OR4S1: variants seen among roughly 807,000 people sequenced by gnomAD.
OR4S1 encodes the protein olfactory receptor family 4 subfamily S member 1, also known as olfactory receptor 4S1.
For synonymous variants in OR4S1, 197 were observed against 144.5 expected (o/e 1.36, Z -2.61); for missense variants, 531 against 383.0 (o/e 1.39, Z -3.23).
rs763368737 is a variant in OR4S1, at chr11:48,307,082, T to G, written c.860T>G (p.Leu287Arg). 2 of 1,613,986 alleles carry G rather than the reference T, an allele frequency of 1.2e-6. No homozygotes were observed. The highest frequency in any genetic ancestry group is 2.2e-5 in the South Asian group (2 of 91,074). ...PPLLNPLIYTLRNNDVKNAMR... is the reference protein window; with the variant it reads ...PPLLNPLIYTRRNNDVKNAMR... ...TTGCTGAACCCTTTGATCTATACAC[T>G]AAGGAACAACGATGTGAAAAATGCC... The change falls in exon 1 of 1, where the codon CTA (leucine) becomes CGA (arginine). Residue 287 changes from leucine to arginine, a missense_variant. By Grantham distance (102) the Leu-to-Arg change is moderately radical. Transcript: ENST00000319988.
chr11:48,307,013 C>A lies in OR4S1; in HGVS notation c.791C>A (p.Ala264Asp), dbSNP rs751061671. The A allele has an allele frequency of 6.8e-6, 11 of 1,614,150 alleles. No homozygotes were observed. The South Asian group carries it at 8.8e-5, about 13-fold the overall frequency. The change falls in exon 1 of 1, where the codon GCT (alanine) becomes GAT (aspartate). Residue 264 changes from alanine (A) to aspartate (D), a missense_variant. Coordinates refer to ENST00000319988, the MANE Select transcript of OR4S1 (RefSeq NM_001004725.1). ...FMYIRPSTTL[A>D]ADKLIILFNI... ...TACATTCGTCCCTCCACCACCCTGG[C>A]TGCTGACAAACTTATCATCCTCTTT...
In OR4S1 at chr11:48,306,791, C is replaced by G; in HGVS notation, c.569C>G (p.Thr190Ser). 1 of 1,614,182 alleles carries G rather than the reference C, an allele frequency of 6.2e-7. No homozygotes were observed. The highest frequency in any genetic ancestry group is 8.5e-7 in the Non-Finnish European group (1 of 1,180,006). The change falls in exon 1 of 1, where the codon ACC (threonine) becomes AGC (serine). Residue 190 changes from threonine to serine, a missense_variant. Thr to Ser is a moderately conservative substitution (Grantham distance 58). Coordinates refer to ENST00000319988, the MANE Select transcript of OR4S1 (RefSeq NM_001004725.1). ...CTGCTCAAGTTGGCCTGTGCAGACA[C>G]CTACATGGTAGGTCTCATCGTGGTG... is the stretch of plus-strand genomic sequence containing the variant. ...HPLLKLACAD[T>S]YMVGLIVVAN... is the part of the protein sequence containing the mutation.
In OR4S1 at chr11:48,306,999, C is replaced by T. The variant is rs567365595; in HGVS notation, c.777C>T (p.Pro259=). ...CCCCCATGTTCATGTACATTCGTCCCTCCACCACCCTGGCTGCTGACAAAC... is the reference window on the plus strand; with the variant it reads ...CCCCCATGTTCATGTACATTCGTCCTTCCACCACCCTGGCTGCTGACAAAC... ...LMPPMFMYIR[P]STTLAADKLI... is the part of the protein sequence containing the mutation. The change falls in exon 1 of 1, where the codon CCC becomes CCT. Residue 259 remains proline, a synonymous_variant. Coordinates refer to ENST00000319988, the MANE Select transcript of OR4S1 (RefSeq NM_001004725.1). The T allele has an allele frequency of 1.0e-4, 165 of 1,614,188 alleles. No individual in the cohort carries two copies. The South Asian group carries it at 1.7e-3, about 17-fold the overall frequency.
chr11:48,306,588 G>A lies in OR4S1; in HGVS notation c.366G>A (p.Val122=). Residue 122 remains valine, a synonymous_variant, in exon 1 of 1, where the codon GTG becomes GTA. Transcript: ENST00000319988. The part of the protein sequence containing the change: ...LLTAMAYDRY[V]AICRPLHYTA... ...CAGCCATGGCCTATGACCGCTATGTGGCCATCTGTAGGCCCCTGCACTACA... is the reference window on the plus strand; with the variant it reads ...CAGCCATGGCCTATGACCGCTATGTAGCCATCTGTAGGCCCCTGCACTACA... The A allele has an allele frequency of 6.3e-7, 1 of 1,579,940 alleles. No individual in the cohort carries two copies. Among genetic ancestry groups the A allele is most frequent in the Non-Finnish European group, 8.7e-7 (1 of 1,152,670 alleles).
chr11:48,306,660 C>T lies in OR4S1; in HGVS notation c.438C>T (p.Ser146=). The part of the protein sequence containing the change: ...CRKCGLLAGA[S]WLAGFLHSIL... ...AGTGTGGCCTGCTAGCGGGGGCCTC[C>T]TGGTTAGCTGGCTTCCTGCATTCCA... The change falls in exon 1 of 1, where the codon TCC becomes TCT. Residue 146 remains serine (S), a synonymous_variant. Transcript: ENST00000319988. The T allele has an allele frequency of 6.2e-7, 1 of 1,614,066 alleles. No individual in the cohort carries two copies. The highest frequency in any genetic ancestry group is 8.5e-7 in the Non-Finnish European group (1 of 1,179,996).
rs780018710 is a variant in OR4S1, at chr11:48,307,028, T to C, written c.806T>C (p.Ile269Thr). The C allele has an allele frequency of 1.2e-6, 2 of 1,614,106 alleles. No homozygotes were observed. The highest frequency in any genetic ancestry group is 1.7e-6 in the Non-Finnish European group (2 of 1,179,972). The change falls in exon 1 of 1, where the codon ATC (isoleucine) becomes ACC (threonine). Residue 269 changes from isoleucine to threonine, a missense_variant. Ile to Thr is a moderately conservative substitution (Grantham distance 89). Transcript: ENST00000319988. ...PSTTLAADKL[I>T]ILFNIVMPPL... The stretch of plus-strand genomic sequence containing the variant: ...ACCACCCTGGCTGCTGACAAACTTA[T>C]CATCCTCTTTAACATTGTGATGCCA...
chr11:48,306,911 A>G lies in OR4S1; in HGVS notation c.689A>G (p.Asp230Gly), dbSNP rs1004112348. 1.2e-6 allele frequency: 2 copies of G among 1,614,160 alleles called. No individual in the cohort carries two copies. Among genetic ancestry groups the G allele is most frequent in the Non-Finnish European group, 8.5e-7 (1 of 1,180,002 alleles). Reference sequence around the variant, plus strand: ...AACCTAAGAAGCCAGTCATCTGAGGACCGGCGTAAGGCTGTCTCCACATGT... The same window carrying G: ...AACCTAAGAAGCCAGTCATCTGAGGGCCGGCGTAAGGCTGTCTCCACATGT... Reference protein sequence around the residue: ...LLNLRSQSSEDRRKAVSTCGS... With the variant: ...LLNLRSQSSEGRRKAVSTCGS... The change falls in exon 1 of 1, where the codon GAC (aspartate) becomes GGC (glycine). Residue 230 changes from aspartate to glycine, a missense_variant. Asp to Gly is a moderately conservative substitution (Grantham distance 94). Coordinates refer to ENST00000319988, the MANE Select transcript of OR4S1 (RefSeq NM_001004725.1).
Position 48,306,227 on chromosome 11 carries a change from G to A in OR4S1, c.5G>A (p.Gly2Asp), listed in dbSNP as rs764613238. The change falls in exon 1 of 1, where the codon GGT becomes GAT. Residue 2 changes from glycine (G) to aspartate (D), a missense_variant. Transcript: ENST00000319988. M[G>D]AKNNVTEFVL... ...GGTCATCAGGGCAGATAATCCATGG[G>A]TGCCAAGAACAATGTGACTGAGTTT... The A allele has an allele frequency of 9.4e-6, 15 of 1,593,986 alleles. 1 individual carries two copies. Among genetic ancestry groups the A allele is most frequent in the Non-Finnish European group, 1.3e-5 (15 of 1,166,396 alleles).
rs1480881599 is a variant in OR4S1, at chr11:48,306,470, C to G, written c.248C>G (p.Thr83Ser). ...ACCATACCCAAGATGATTGCTGACACTTTTGTGGAGCATAAGATCATCTCC... is the reference window on the plus strand; with the variant it reads ...ACCATACCCAAGATGATTGCTGACAGTTTTGTGGAGCATAAGATCATCTCC... ...STTIPKMIAD[T>S]FVEHKIISFN... The change falls in exon 1 of 1, where the codon ACT (threonine) becomes AGT (serine). Residue 83 changes from threonine (T) to serine (S), a missense_variant. Coordinates refer to ENST00000319988, the MANE Select transcript of OR4S1 (RefSeq NM_001004725.1). The G allele has an allele frequency of 8.1e-6, 13 of 1,608,820 alleles. 2 individuals are homozygous for G. The highest frequency in any genetic ancestry group is 1.0e-5 in the Non-Finnish European group (12 of 1,175,768).
In OR4S1 at chr11:48,306,745, T is replaced by C. The variant is rs777254352; in HGVS notation, c.523T>C (p.Phe175Leu). The change falls in exon 1 of 1, where the codon TTC becomes CTC. Residue 175 changes from phenylalanine (F) to leucine (L), a missense_variant. Transcript: ENST00000319988. ...TTGTGGGCCCAATGAGATAGACAAC[T>C]TCTTCTGTGATGTTCATCCCCTGCT... is the stretch of plus-strand genomic sequence containing the variant. ...PFCGPNEIDN[F>L]FCDVHPLLKL... 6.2e-6 allele frequency: 10 copies of C among 1,614,124 alleles called. No individual in the cohort carries two copies. The highest frequency in any genetic ancestry group is 8.5e-6 in the Non-Finnish European group (10 of 1,180,004).
rs770455126 is a variant in OR4S1, at chr11:48,307,131, G to T, written c.909G>T (p.Lys303Asn). ...CCATGAGGAAGCTGTTTAGGGTCAA[G>T]AGGAGCTTAGGGGAGAAGTGACATT... The part of the protein sequence containing the change: ...KNAMRKLFRV[K>N]RSLGEK Residue 303 changes from lysine (K) to asparagine (N), a missense_variant, in exon 1 of 1, where the codon AAG becomes AAT. Lys to Asn is a moderately conservative substitution (Grantham distance 94, BLOSUM62 0). Transcript: ENST00000319988. The T allele has an allele frequency of 1.9e-6, 3 of 1,613,120 alleles. No individual in the cohort carries two copies. The highest frequency in any genetic ancestry group is 1.1e-5 in the South Asian group (1 of 91,064).
rs564615218 is a variant in OR4S1 at position 48,306,731 on chromosome 11, A to G, written c.509A>G (p.Asn170Ser). ...LTVQLPFCGP[N>S]EIDNFFCDVH... ...GTTCAGCTGCCTTTTTGTGGGCCCA[A>G]TGAGATAGACAACTTCTTCTGTGAT... The change falls in exon 1 of 1, where the codon AAT becomes AGT. Residue 170 changes from asparagine to serine, a missense_variant. By Grantham distance (46) the Asn-to-Ser change is conservative. Transcript: ENST00000319988. 2.5e-5 allele frequency: 40 copies of G among 1,614,034 alleles called. No individual in the cohort carries two copies. Among genetic ancestry groups the G allele is most frequent in the African/African-American group, 1.3e-4 (10 of 74,922 alleles).
In OR4S1 at chr11:48,306,761, A is replaced by G. The variant is rs748854896; in HGVS notation, c.539A>G (p.His180Arg). 1.9e-6 allele frequency: 3 copies of G among 1,614,176 alleles called. No homozygotes were observed. In the South Asian group the frequency reaches 3.3e-5, roughly 18 times the overall value. Residue 180 changes from histidine to arginine, a missense_variant, in exon 1 of 1, where the codon CAT (histidine) becomes CGT (arginine). By Grantham distance (29) the His-to-Arg change is conservative. Transcript: ENST00000319988. ...ATAGACAACTTCTTCTGTGATGTTC[A>G]TCCCCTGCTCAAGTTGGCCTGTGCA... ...NEIDNFFCDV[H>R]PLLKLACADT... is the part of the protein sequence containing the mutation.
In OR4S1 at chr11:48,306,322, G is replaced by A. The variant is rs1184681058; in HGVS notation, c.100G>A (p.Val34Met). The A allele has an allele frequency of 3.7e-6, 6 of 1,604,340 alleles. No homozygotes were observed. The highest frequency in any genetic ancestry group is 4.3e-6 in the Non-Finnish European group (5 of 1,172,654). The change falls in exon 1 of 1, where the codon GTG (valine) becomes ATG (methionine). Residue 34 changes from valine to methionine, a missense_variant. Physicochemically the swap from Val to Met is conservative, Grantham distance 21 (BLOSUM62 1). Transcript: ENST00000319988. ...CTTTGTGGTATTCTTCCTCTTTCAT[G>A]TGCTCACTGTCCTGGGGAACCTTCT... ...TCFVVFFLFH[V>M]LTVLGNLLVI...
rs1168361288 is a variant in OR4S1, at chr11:48,306,774, G to A, written c.552G>A (p.Lys184=). ...TCTGTGATGTTCATCCCCTGCTCAA[G>A]TTGGCCTGTGCAGACACCTACATGG... ...NFFCDVHPLL[K]LACADTYMVG... is the part of the protein sequence containing the mutation. Residue 184 remains lysine, a synonymous_variant, in exon 1 of 1, where the codon AAG becomes AAA. Transcript: ENST00000319988. 3 of 1,614,222 alleles carry A rather than the reference G, an allele frequency of 1.9e-6. No individual in the cohort carries two copies. The Admixed American group carries it at 5.0e-5, about 27-fold the overall frequency.
chr11:48,306,914 G>T lies in OR4S1; in HGVS notation c.692G>T (p.Arg231Leu). 1 of 1,614,046 alleles carries T rather than the reference G, an allele frequency of 6.2e-7. No individual in the cohort carries two copies. Among genetic ancestry groups the T allele is most frequent in the South Asian group, 1.1e-5 (1 of 91,058 alleles). Reference sequence around the variant, plus strand: ...CTAAGAAGCCAGTCATCTGAGGACCGGCGTAAGGCTGTCTCCACATGTGGC... The same window carrying T: ...CTAAGAAGCCAGTCATCTGAGGACCTGCGTAAGGCTGTCTCCACATGTGGC... ...LNLRSQSSED[R>L]RKAVSTCGSH... Residue 231 changes from arginine to leucine, a missense_variant, in exon 1 of 1, where the codon CGG becomes CTG. Arg to Leu is a moderately radical substitution (Grantham distance 102). Coordinates refer to ENST00000319988, the MANE Select transcript of OR4S1 (RefSeq NM_001004725.1).
Position 48,306,453 on chromosome 11 carries a change from C to T in OR4S1, c.231C>T (p.Pro77=), listed in dbSNP as rs952833529. ...ADICYPSTTI[P]KMIADTFVEH... ...TATGTTATCCATCCACTACCATACC[C>T]AAGATGATTGCTGACACTTTTGTGG... is the stretch of plus-strand genomic sequence containing the variant. Residue 77 remains proline (P), a synonymous_variant, in exon 1 of 1, where the codon CCC becomes CCT. Transcript: ENST00000319988. 1 of 1,608,040 alleles carries T rather than the reference C, an allele frequency of 6.2e-7. No homozygotes were observed. The highest frequency in any genetic ancestry group is 1.7e-5 in the Admixed American group (1 of 59,798).
rs1171202738 is a variant in OR4S1 at position 48,306,538 on chromosome 11, G to T, written c.316G>T (p.Gly106Cys). ...MTQLFSAHFFGGTEIFLLTAM... is the reference protein window; with the variant it reads ...MTQLFSAHFFCGTEIFLLTAM... ...CCAGCTCTTTTCTGCCCACTTCTTT[G>T]GTGGCACTGAGATCTTCCTCCTTAC... The change falls in exon 1 of 1, where the codon GGT becomes TGT. Residue 106 changes from glycine (G) to cysteine (C), a missense_variant. By Grantham distance (159) the Gly-to-Cys change is radical. Coordinates refer to ENST00000319988, the MANE Select transcript of OR4S1 (RefSeq NM_001004725.1). The T allele has an allele frequency of 6.2e-7, 1 of 1,609,264 alleles. No homozygotes were observed. The highest frequency in any genetic ancestry group is 1.1e-5 in the South Asian group (1 of 90,818).
At position 48,307,113 on chromosome 11, in the gene OR4S1, G is replaced by C; in HGVS notation, c.891G>C (p.Arg297Ser). Reference protein sequence around the residue: ...LRNNDVKNAMRKLFRVKRSLG... With the variant: ...LRNNDVKNAMSKLFRVKRSLG... The stretch of plus-strand genomic sequence containing the variant: ...ACAACGATGTGAAAAATGCCATGAG[G>C]AAGCTGTTTAGGGTCAAGAGGAGCT... Residue 297 changes from arginine to serine, a missense_variant, in exon 1 of 1, where the codon AGG becomes AGC. Arg to Ser is a moderately radical substitution (Grantham distance 110). Coordinates refer to ENST00000319988, the MANE Select transcript of OR4S1 (RefSeq NM_001004725.1). 1 of 1,614,088 alleles carries C rather than the reference G, an allele frequency of 6.2e-7. No individual in the cohort carries two copies. Among genetic ancestry groups the C allele is most frequent in the Non-Finnish European group, 8.5e-7 (1 of 1,179,936 alleles).
Sources: allele counts gnomAD v4.1 joint callset, GRCh38; gene constraint gnomAD v4.1.1; transcripts MANE v1.5; gene names NCBI Gene and HGNC (gene_info 2026-07-23, HGNC 2026-07-21).